Variants in PRKAR2A observed in about 807,000 individuals in gnomAD.
PRKAR2A encodes the protein cAMP-dependent protein kinase type II-alpha regulatory subunit.
PRKAR2A carries 29 observed loss-of-function variants against 51.9 expected under a neutral mutation model. The ratio of observed to expected loss-of-function variants is 0.56; its 90% CI spans 0.42 to 0.76. PRKAR2A has a LOEUF of 0.76. Ranked by LOEUF, PRKAR2A falls within the 30% of genes least tolerant of loss-of-function variation. PRKAR2A has a pLI of 0.00. For missense variants in PRKAR2A, 445 were observed against 512.1 expected (o/e 0.87, Z 1.26); for synonymous variants, 178 against 186.2 (o/e 0.96, Z 0.36).
rs1198962303 is a variant in PRKAR2A at position 48,785,258 on chromosome 3, A to ATT, written c.436-2168_436-2167dup. Among the ~76,000 whole-genome samples the ATT allele has an allele frequency of 1.1e-3, 133 of 123,866 alleles. 1 individual carries two copies. Among genetic ancestry groups the ATT allele is most frequent in the South Asian group, 2.1e-3 (8 of 3,786 alleles). The allele number at this position is 123,866 out of a possible 152,430, so 81.3% of individuals were successfully genotyped here. On this transcript the variant is annotated intron_variant, in intron 4 of 10. Coordinates refer to ENST00000265563, the MANE Select transcript of PRKAR2A (RefSeq NM_004157.4). Reference sequence around the variant, plus strand: ...AGGCGCATGCCACCAGGCCTGGATAATTTTTTTTTTTTTTTTTTTTGAGAC... The same window carrying ATT: ...AGGCGCATGCCACCAGGCCTGGATAATTTTTTTTTTTTTTTTTTTTTTGAGAC...
chr3:48,776,317 C>A (rs1182764628), intron 5 of PRKAR2A, among the ~76,000 whole-genome samples: 3 of 152,180 alleles, frequency 2.0e-5, no homozygotes, highest in African/African-American at 7.2e-5. Context: ...ATAGCAATTC[C>A]ATTTCTAGTC....
intron 5 of PRKAR2A, among the ~76,000 whole-genome samples, chr3:48,782,642 T>TA (rs1242190884): frequency 6.6e-6 from 1 of 152,106 alleles, no homozygotes; most frequent in South Asian, 2.1e-4. Context: ...TTTTAGTAGA[T>TA]ACGGGGTTTC....
rs575463781 is a variant in PRKAR2A, at chr3:48,796,819, A to AT, written c.299-2771dup. Among the ~76,000 whole-genome samples, 366 of 150,014 alleles carry AT rather than the reference A, an allele frequency of 2.4e-3. 2 individuals are homozygous for AT. Among genetic ancestry groups the AT allele is most frequent in the African/African-American group, 8.4e-3 (346 of 40,962 alleles). On this transcript the variant is annotated intron_variant, in intron 2 of 10. Transcript: ENST00000265563. ...CTTTTTATGTATTTAATTCTTGCTC[A>AT]TTTTTTTTTAGTTTCCTTATAATCT...
chr3:48,773,172 G>A (rs997027349), intron 5 of PRKAR2A, 64 bp from the exon 6 acceptor site: 5 of 1,303,450 alleles, frequency 3.8e-6, no homozygotes, highest in Non-Finnish European at 4.3e-6. Context: ...AGAACTGGCA[G>A]GTACATATAA....
chr3:48,817,605 C>T (rs1187487617), intron 1 of PRKAR2A, among the ~76,000 whole-genome samples: 2 of 150,964 alleles, frequency 1.3e-5, no homozygotes, highest in Non-Finnish European at 2.9e-5. Context: ...CAAGGTCGCA[C>T]CATTGCGCTC....
At chr3:48,839,418 A>T (rs1246228955) in intron 1 of PRKAR2A, among the ~76,000 whole-genome samples, 1 of 151,442 alleles carries the variant, frequency 6.6e-6, no homozygotes, top group Non-Finnish European at 1.5e-5. Context: ...AAAAAAAAAA[A>T]TGCTGAGAGA....
intron 1 of PRKAR2A, among the ~76,000 whole-genome samples, chr3:48,837,903 G>C (rs2083309485): frequency 6.6e-6 from 1 of 152,208 alleles, no homozygotes; most frequent in African/African-American, 2.4e-5. Context: ...TATTGGCTGG[G>C]CACGGTGGCT....
chr3:48,786,128 G>GTT (rs566059607), intron 4 of PRKAR2A, among the ~76,000 whole-genome samples: 20 of 135,364 alleles, frequency 1.5e-4, no homozygotes, highest in South Asian at 2.4e-4. Context: ...GTTTTTTTTT[G>GTT]TTTTTTTTTT....
At chr3:48,760,265 A>G (rs1403219285) in intron 8 of PRKAR2A, among the ~76,000 whole-genome samples, 1 of 151,840 alleles carries the variant, frequency 6.6e-6, no homozygotes, top group Non-Finnish European at 1.5e-5. Flanking sequence ...GCTGAGGCAG[A>G]AGAATCACCT....
At chr3:48,803,216 C>A (rs1421357389) in intron 2 of PRKAR2A, among the ~76,000 whole-genome samples, 1 of 152,098 alleles carries the variant, frequency 6.6e-6, no homozygotes, top group Non-Finnish European at 1.5e-5. Flanking sequence ...GAGTTTGAGA[C>A]CAGCCTGGGC....
chr3:48,790,758 T>C (rs960091041), intron 3 of PRKAR2A, 131 bp from the exon 4 acceptor site: 9 of 560,562 alleles, frequency 1.6e-5, no homozygotes, highest in Non-Finnish European at 2.3e-5. Context: ...TAATTTTACA[T>C]AAATATCAAG....
chr3:48,763,475 G>GA (rs2081892810), intron 8 of PRKAR2A, among the ~76,000 whole-genome samples: 3 of 152,114 alleles, frequency 2.0e-5, no homozygotes, highest in Admixed American at 2.0e-4. Flanking sequence ...GACAGGCCTA[G>GA]AACCTTCAGG....
rs2083479423 is a variant in PRKAR2A, at chr3:48,847,236, C to A, written c.262+99G>T. On this transcript the variant is annotated intron_variant, in intron 1 of 10. Coordinates refer to ENST00000265563, the MANE Select transcript of PRKAR2A (RefSeq NM_004157.4). The surrounding 1 kb of genome is among the most constrained non-coding windows in gnomAD (Gnocchi z 4.4). ...CTACAGAGCTCCCAATCCCAGCCTG[C>A]GGTCGGCTTGGCTGCGGCGCGACAC... 3.5e-6 allele frequency: 5 copies of A among 1,419,172 alleles called. No homozygotes were observed. The highest frequency in any genetic ancestry group is 4.5e-5 in the Admixed American group (2 of 43,976). 87.9% of individuals were successfully genotyped at this position (1,419,172 alleles called of 1,614,324 possible). A position where few individuals can be genotyped will look rare whatever the true frequency, so the allele number is the denominator to read the frequency against.
chr3:48,792,965 T>C (rs1025143163), intron 3 of PRKAR2A, among the ~76,000 whole-genome samples: 12 of 151,096 alleles, frequency 7.9e-5, no homozygotes, highest in African/African-American at 2.4e-4. Context: ...TTTATGTCAA[T>C]TGTACAGAAG....
intron 1 of PRKAR2A, among the ~76,000 whole-genome samples, chr3:48,842,262 T>C (rs1471404700): frequency 6.6e-6 from 1 of 152,218 alleles, no homozygotes; most frequent in East Asian, 1.9e-4. Flanking sequence ...TGCATTGATT[T>C]TGTATCCTGA....
At chr3:48,786,565 A>G (rs1009671305) in intron 4 of PRKAR2A, among the ~76,000 whole-genome samples, 1 of 149,184 alleles carries the variant, frequency 6.7e-6, no homozygotes, top group African/African-American at 2.4e-5. Flanking sequence ...TGGGAGGCAG[A>G]GGCGGGCGAA....
chr3:48,829,102 C>G (rs2083122234), intron 1 of PRKAR2A, among the ~76,000 whole-genome samples: 1 of 151,904 alleles, frequency 6.6e-6, no homozygotes, highest in Non-Finnish European at 1.5e-5. Flanking sequence ...TTCCAAAGCG[C>G]TGGGATTATA....
chr3:48,813,340 T>C (rs1575918637), intron 1 of PRKAR2A, among the ~76,000 whole-genome samples: 2 of 151,756 alleles, frequency 1.3e-5, no homozygotes, highest in South Asian at 4.2e-4. Flanking sequence ...GAGTTCGAGG[T>C]TTCAGTGAGC....
At chr3:48,779,208 C>T (rs1266581262) in intron 5 of PRKAR2A, among the ~76,000 whole-genome samples, 1 of 152,072 alleles carries the variant, frequency 6.6e-6, no homozygotes, top group Non-Finnish European at 1.5e-5. Flanking sequence ...AATCCTCCCA[C>T]CTTGGCCTCC....
Sources: allele counts gnomAD v4.1 joint callset (sites outside exome capture counted in the v4.1 genomes callset), GRCh38; gene constraint gnomAD v4.1.1; non-coding constraint Gnocchi (gnomAD v3.1); transcripts MANE v1.5; gene names NCBI Gene and HGNC (gene_info 2026-07-23, HGNC 2026-07-21).